Variants in GPC5 observed in about 807,000 individuals in gnomAD.
GPC5 encodes glypican 5.
In GPC5, 47 loss-of-function variants were observed where a neutral mutation model predicts 53.9. The ratio of observed to expected loss-of-function variants is 0.87; its 90% CI spans 0.69 to 1.11. The LOEUF is 1.11. Ranked by LOEUF, GPC5 falls within the 50% of genes most tolerant of loss-of-function variation. GPC5 has a pLI of 0.00. For synonymous variants in GPC5, 286 were observed against 263.3 expected (o/e 1.09, Z -0.84); for missense variants, 748 against 713.1 (o/e 1.05, Z -0.56).
intron 7 of GPC5, among the ~76,000 whole-genome samples, chr13:92,206,090 T>A (rs1380707895): frequency 2.7e-5 from 4 of 150,312 alleles, no homozygotes; most frequent in Non-Finnish European, 4.4e-5. Flanking sequence ...TTCTGTAATG[T>A]CATTCCATAT....
At chr13:92,659,399 C>CTT (rs71123427) in intron 7 of GPC5, among the ~76,000 whole-genome samples, 5 of 127,364 alleles carry the variant, frequency 3.9e-5, no homozygotes, top group African/African-American at 1.1e-4. Context: ...ATTTGGTTGA[C>CTT]TTTTTTTTTT....
chr13:92,651,243 G>GAAAAAA (rs34184523), intron 7 of GPC5, among the ~76,000 whole-genome samples: 1 of 150,124 alleles, frequency 6.7e-6, no homozygotes, highest in Non-Finnish European at 1.5e-5. Flanking sequence ...TATGAAAATT[G>GAAAAAA]AAAAAAAAAT....
chr13:91,952,078 C>G (rs115753742), intron 6 of GPC5, among the ~76,000 whole-genome samples: 2 of 151,942 alleles, frequency 1.3e-5, no homozygotes, highest in Non-Finnish European at 2.9e-5. Flanking sequence ...AAAACAGTAA[C>G]GACTTTTGAA....
chr13:92,698,309 C>T (rs560778066), intron 7 of GPC5, among the ~76,000 whole-genome samples: 31 of 152,150 alleles, frequency 2.0e-4, no homozygotes, highest in African/African-American at 5.8e-4. Flanking sequence ...AATGCTATCC[C>T]GCCCCTCTCT....
intron 7 of GPC5, among the ~76,000 whole-genome samples, chr13:92,439,523 C>A (rs546713764): frequency 6.8e-4 from 103 of 152,046 alleles, no homozygotes; most frequent in Non-Finnish European, 8.1e-4. Flanking sequence ...GAGGAACATT[C>A]CAAAAAGAAT....
At chr13:92,245,949 C>T (rs1357208200) in intron 7 of GPC5, among the ~76,000 whole-genome samples, 1 of 151,500 alleles carries the variant, frequency 6.6e-6, no homozygotes, top group African/African-American at 2.4e-5. Context: ...ATAGGGTGGG[C>T]CCTATATTAT....
intron 2 of GPC5, among the ~76,000 whole-genome samples, chr13:91,471,410 G>T (rs1566428736): frequency 6.6e-6 from 1 of 151,976 alleles, no homozygotes; most frequent in East Asian, 1.9e-4. Flanking sequence ...CAGATTAATG[G>T]ACCTTTGGTA....
At chr13:92,710,200 A>C (rs550337642) in intron 7 of GPC5, among the ~76,000 whole-genome samples, 1 of 152,344 alleles carries the variant, frequency 6.6e-6, no homozygotes. Context: ...AATTTACAAT[A>C]ATTATCTCTG....
intron 6 of GPC5, among the ~76,000 whole-genome samples, chr13:91,951,145 A>C (rs1161097423): frequency 6.6e-6 from 1 of 152,152 alleles, no homozygotes; most frequent in Non-Finnish European, 1.5e-5. Context: ...CTAAAAGCTT[A>C]TTAAATATTT....
At chr13:92,242,290 A>G (rs914517632) in intron 7 of GPC5, among the ~76,000 whole-genome samples, 5 of 151,768 alleles carry the variant, frequency 3.3e-5, no homozygotes, top group African/African-American at 9.7e-5. Flanking sequence ...CTTCTTTCCT[A>G]TTACCAGTGA....
intron 7 of GPC5, among the ~76,000 whole-genome samples, chr13:92,704,845 A>AGT (rs1887890029): frequency 6.6e-6 from 1 of 151,188 alleles, no homozygotes; most frequent in African/African-American, 2.4e-5. Flanking sequence ...ACACACTCTT[A>AGT]GTGTGTAAAT....
chr13:92,221,600 G>T (rs565717539), intron 7 of GPC5, among the ~76,000 whole-genome samples: 1 of 152,226 alleles, frequency 6.6e-6, no homozygotes, highest in African/African-American at 2.4e-5. Context: ...TAGGCATTTG[G>T]TGGGGATCTG....
intron 7 of GPC5, among the ~76,000 whole-genome samples, chr13:92,170,654 A>C (rs998019479): frequency 6.6e-6 from 1 of 151,570 alleles, no homozygotes; most frequent in Non-Finnish European, 1.5e-5. Context: ...TGAACTCGTG[A>C]CCTCAGGTGA....
At chr13:92,685,505 T>G (rs1887235993) in intron 7 of GPC5, among the ~76,000 whole-genome samples, 1 of 151,398 alleles carries the variant, frequency 6.6e-6, no homozygotes, top group East Asian at 1.9e-4. Context: ...CCTCTGCATT[T>G]TAAAAAAATA....
At chr13:92,377,851 G>A (rs886809208) in intron 7 of GPC5, among the ~76,000 whole-genome samples, 5 of 152,016 alleles carry the variant, frequency 3.3e-5, no homozygotes, top group African/African-American at 9.7e-5. Context: ...GTGAATATAC[G>A]CATATATTCA....
At chr13:92,299,002 G>A (rs1418119509) in intron 7 of GPC5, among the ~76,000 whole-genome samples, 12 of 152,092 alleles carry the variant, frequency 7.9e-5, no homozygotes, top group South Asian at 6.2e-4. Flanking sequence ...CAAATAAGCC[G>A]TGAATCTGAA....
chr13:92,691,664 G>A (rs1887404089), intron 7 of GPC5, among the ~76,000 whole-genome samples: 1 of 151,962 alleles, frequency 6.6e-6, no homozygotes, highest in Non-Finnish European at 1.5e-5. Context: ...GAAAAATAAT[G>A]TAATTTAATA....
chr13:92,394,429 TA>T (rs905165400), intron 7 of GPC5, among the ~76,000 whole-genome samples: 7 of 151,548 alleles, frequency 4.6e-5, no homozygotes, highest in African/African-American at 9.7e-5. Context: ...AGTGCCCTAA[TA>T]AAAAAAAGAC....
intron 7 of GPC5, among the ~76,000 whole-genome samples, chr13:92,273,871 A>C (rs1307909613): frequency 5.3e-5 from 8 of 152,102 alleles, no homozygotes; most frequent in African/African-American, 1.9e-4. Context: ...GAAATAAGAA[A>C]AATTATCCAA....
Sources: allele counts gnomAD v4.1 joint callset (sites outside exome capture counted in the v4.1 genomes callset), GRCh38; gene constraint gnomAD v4.1.1; transcripts MANE v1.5; gene names NCBI Gene and HGNC (gene_info 2026-07-23, HGNC 2026-07-21).